Variants in SRP19 observed in about 807,000 individuals in gnomAD.
SRP19 encodes signal recognition particle 19 kDa protein.
A neutral mutation model predicts 22.4 loss-of-function variants in SRP19; 11 were observed. The ratio of observed to expected loss-of-function variants is 0.49; its 90% CI spans 0.31 to 0.81. SRP19 has a LOEUF of 0.81. Among genes scored for constraint, SRP19 ranks in the 40% least tolerant of loss-of-function variants. The pLI is 0.05. For missense variants in SRP19, 168 were observed against 175.9 expected (o/e 0.96, Z 0.25); for synonymous variants, 61 against 57.6 (o/e 1.06, Z -0.27).
At chr5:112,886,937 G>A in intron 4 of SRP19, 2 of 1,095,544 alleles carry the variant, frequency 1.8e-6, no homozygotes, top group Non-Finnish European at 2.6e-6. Flanking sequence ...AAGACAAGAA[G>A]GCCAGGAAGC....
intron 4 of SRP19, chr5:112,885,227 G>C (rs1478231047): frequency 6.1e-6 from 1 of 165,178 alleles, no homozygotes; most frequent in Non-Finnish European, 1.3e-5. Context: ...GGAGCCCCAA[G>C]GAGAAGGCAC....
At chr5:112,862,931 G>C (rs1293825926) in intron 2 of SRP19, among the ~76,000 whole-genome samples, 3 of 152,328 alleles carry the variant, frequency 2.0e-5, no homozygotes, top group Middle Eastern at 3.4e-3. Context: ...ATAATGTTCA[G>C]AATGTAGTTG....
chr5:112,892,032 ACAGG>A, exon 5 of SRP19: 2 of 1,414,698 alleles, frequency 1.4e-6, no homozygotes, highest in Non-Finnish European at 2.0e-6. Flanking sequence ...AGCAGAAACA[ACAGG>A]AGAAGAAAGA....
In SRP19 at chr5:112,861,302, C is replaced by T. The variant is rs1767381801; in HGVS notation, c.-75C>T. On this transcript the variant is annotated 5_prime_UTR_variant, in exon 1 of 5. Transcript: ENST00000505459. ...GCGGAAAAGCGGGCTGTCTCGGAAA[C>T]TCAGAGCCGGGTTCCTCCCGGGTTT... is the stretch of plus-strand genomic sequence containing the variant. 1 of 1,577,506 alleles carries T rather than the reference C, an allele frequency of 6.3e-7. No homozygotes were observed. The highest frequency in any genetic ancestry group is 8.7e-7 in the Non-Finnish European group (1 of 1,146,920).
exon 5 of SRP19, chr5:112,891,846 G>A: frequency 6.5e-7 from 1 of 1,547,778 alleles, no homozygotes; most frequent in Non-Finnish European, 8.9e-7. Context: ...AGAAGCTATT[G>A]GAAAGAGAGA....
chr5:112,861,761 T>A (rs929806124), intron 1 of SRP19, among the ~76,000 whole-genome samples: 1 of 152,194 alleles, frequency 6.6e-6, no homozygotes, highest in African/African-American at 2.4e-5. Context: ...GGCTCATTTG[T>A]GAAATTTTAA....
At chr5:112,862,294 A>T in intron 1 of SRP19, 2 of 596,100 alleles carry the variant, frequency 3.4e-6, no homozygotes, top group Non-Finnish European at 6.0e-6. Context: ...CAGAAAGAGG[A>T]GTAGGCCCGC....
chr5:112,868,909 T>A lies in SRP19; in HGVS notation c.*1372T>A, dbSNP rs1223628705. 1 of 152,142 alleles carries A rather than the reference T, an allele frequency of 6.6e-6. No homozygotes were observed. Among genetic ancestry groups the A allele is most frequent in the Admixed American group, 6.6e-5 (1 of 15,266 alleles). The allele number at this position is 152,142 out of a possible 1,614,324, so 9.4% of individuals were successfully genotyped here. A position where few individuals can be genotyped will look rare whatever the true frequency, so the allele number is the denominator to read the frequency against. ...GGCCTGTTGACTTTTTTTTTTTAAC[T>A]CTAACAATTTCTGTTTTATAGTGAA... is the stretch of plus-strand genomic sequence containing the variant. On this transcript the variant is annotated 3_prime_UTR_variant, in exon 5 of 5. Transcript: ENST00000505459.
rs1450909640 is a variant in SRP19 at position 112,868,014 on chromosome 5, G to C, written c.*477G>C. On this transcript the variant is annotated 3_prime_UTR_variant, in exon 5 of 5. Coordinates refer to ENST00000505459, the MANE Select transcript of SRP19 (RefSeq NM_003135.3). ...TGTGAGGCTAAAACTAGAAGAAACT[G>C]TGGTAGGTCCTTTTGTGGGTGGGGG... 1.0e-6 allele frequency: 1 copy of C among 986,104 alleles called. No individual in the cohort carries two copies. Among genetic ancestry groups the C allele is most frequent in the Non-Finnish European group, 1.2e-6 (1 of 830,458 alleles). 61.1% of individuals were successfully genotyped at this position (986,104 alleles called of 1,614,324 possible).
At chr5:112,871,241 GA>G (rs1306131428), downstream of SRP19, among the ~76,000 whole-genome samples, 5 of 125,716 alleles carry the variant, frequency 4.0e-5, no homozygotes, top group Non-Finnish European at 8.0e-5. Flanking sequence ...TGCAATCAGT[GA>G]ATTTTTTTTT....
At chr5:112,892,850 A>G in exon 5 of SRP19, 1 of 1,613,666 alleles carries the variant, frequency 6.2e-7, no homozygotes, top group Non-Finnish European at 8.5e-7. Flanking sequence ...GAGAGAAAAA[A>G]GAGTAGTCAT....
downstream of SRP19, among the ~76,000 whole-genome samples, chr5:112,874,477 T>G (rs538711662): frequency 6.6e-6 from 1 of 152,326 alleles, no homozygotes; most frequent in African/African-American, 2.4e-5. Context: ...GTAGACTAAT[T>G]AAATCAGCAC....
intron 4 of SRP19, among the ~76,000 whole-genome samples, chr5:112,865,881 T>C (rs1213998287): frequency 6.6e-6 from 1 of 152,108 alleles, no homozygotes; most frequent in Non-Finnish European, 1.5e-5. Flanking sequence ...CATAAGCCAC[T>C]GCCCCCGGCC....
downstream of SRP19, among the ~76,000 whole-genome samples, chr5:112,872,581 G>A (rs1198681244): frequency 1.3e-5 from 2 of 152,088 alleles, no homozygotes; most frequent in Non-Finnish European, 2.9e-5. Context: ...CGCACACCTT[G>A]GCCTCCCAAA....
chr5:112,887,870 T>C (rs1004401056), intron 4 of SRP19, among the ~76,000 whole-genome samples: 1 of 152,238 alleles, frequency 6.6e-6, no homozygotes, highest in African/African-American at 2.4e-5. Flanking sequence ...ATTTTTACTG[T>C]TGATTCAAAT....
Position 112,861,513 on chromosome 5 carries a change from G to A in SRP19, c.41+96G>A, listed in dbSNP as rs1377632496. On this transcript the variant is annotated intron_variant, in intron 1 of 4. Transcript: ENST00000505459. ...TTCTCCGCTCCGCGGCCTCCAGAAT[G>A]GCCTAGCTGATCCAACTCGCTCTGT... The A allele has an allele frequency of 3.6e-6, 5 of 1,372,884 alleles. No homozygotes were observed. The East Asian group carries it at 9.4e-5, about 26-fold the overall frequency. The allele number at this position is 1,372,884 out of a possible 1,614,324, so 85.0% of individuals were successfully genotyped here.
In SRP19 at chr5:112,868,064, T is replaced by A; in HGVS notation, c.*527T>A. ...GACAGGGGAGTCTGTAAAAAGCCAG[T>A]CTGTAGATGATATTTTAATATATTA... is the stretch of plus-strand genomic sequence containing the variant. On this transcript the variant is annotated 3_prime_UTR_variant, in exon 5 of 5. Coordinates refer to ENST00000505459, the MANE Select transcript of SRP19 (RefSeq NM_003135.3). 1 of 985,492 alleles carries A rather than the reference T, an allele frequency of 1.0e-6. No individual in the cohort carries two copies. The highest frequency in any genetic ancestry group is 1.2e-6 in the Non-Finnish European group (1 of 829,946). 61.0% of individuals were successfully genotyped at this position (985,492 alleles called of 1,614,324 possible). A position where few individuals can be genotyped will look rare whatever the true frequency, so the allele number is the denominator to read the frequency against.
intron 4 of SRP19, chr5:112,877,496 T>C (rs1187208851): frequency 6.6e-6 from 1 of 152,208 alleles, no homozygotes; most frequent in Non-Finnish European, 1.5e-5. Flanking sequence ...TTTACTGTTC[T>C]GTACTTACTA....
intron 4 of SRP19, among the ~76,000 whole-genome samples, chr5:112,881,143 A>AAAG (rs2150033665): frequency 6.6e-6 from 1 of 151,494 alleles, no homozygotes; most frequent in Non-Finnish European, 1.5e-5. Context: ...AAAAAAAAAA[A>AAAG]AAAAAAAAGC....
Sources: allele counts gnomAD v4.1 joint callset (sites outside exome capture counted in the v4.1 genomes callset), GRCh38; gene constraint gnomAD v4.1.1; transcripts MANE v1.5; gene names NCBI Gene and HGNC (gene_info 2026-07-23, HGNC 2026-07-21).